Variants in C8orf89 observed in about 807,000 individuals in gnomAD.
C8orf89 encodes the protein putative uncharacterized protein C8orf89.
In C8orf89, 14 loss-of-function variants were observed where a neutral mutation model predicts 15.8. The ratio of observed to expected loss-of-function variants is 0.89; its 90% confidence interval spans 0.59 to 1.39. The LOEUF (loss-of-function observed/expected upper bound fraction) is 1.39, where lower values mean the gene tolerates loss of function less well. Ranked by LOEUF, C8orf89 falls within the 40% of genes most tolerant of loss-of-function variation. C8orf89 has a pLI of 0.00. For synonymous variants in C8orf89, 55 were observed against 62.2 expected, an observed-to-expected ratio of 0.88 and a Z score of 0.54; for missense variants, 181 against 184.5, an observed-to-expected ratio of 0.98 and a Z score of 0.11.
At chr8:73,266,217 C>A in the C8orf89 span, among the ~76,000 whole-genome samples, 1 of 152,212 alleles carries the variant, frequency 6.6e-6, no homozygotes, top group African/African-American at 2.4e-5. Flanking sequence ...CCTTCGGCCA[C>A]CTCTGGCTCA....
In C8orf89 at chr8:73,245,849, C is replaced by A. The variant is rs189978182; in HGVS notation, c.338-4244G>T. On this transcript the variant is annotated intron_variant, in intron 3 of 3. Transcript: ENST00000624510. ...TATTAAAAGATTCTCCCAAAGAAAACAAGTAACCCAAATGAATTTTATAAA... is the reference window on the plus strand; with the variant it reads ...TATTAAAAGATTCTCCCAAAGAAAAAAAGTAACCCAAATGAATTTTATAAA... 3.0e-3 allele frequency among the ~76,000 whole-genome samples: 460 copies of A among 152,226 alleles called. 3 individuals carry two copies. Among genetic ancestry groups the A allele is most frequent in the Non-Finnish European group, 4.2e-3 (287 of 67,986 alleles).
chr8:73,273,166 T>G, the C8orf89 span, among the ~76,000 whole-genome samples: 1 of 152,258 alleles, frequency 6.6e-6, no homozygotes, highest in South Asian at 2.1e-4. Flanking sequence ...ATGGAGCCAG[T>G]GGGAGCGAGG....
chr8:73,277,558 G>A, the C8orf89 span: 1 of 760,532 alleles, frequency 1.3e-6, no homozygotes, highest in South Asian at 1.4e-5. Context: ...TCCATTCCAG[G>A]CTCAGAAGTA....
intron 3 of C8orf89, among the ~76,000 whole-genome samples, chr8:73,243,107 C>T (rs1024922364): frequency 2.0e-5 from 3 of 152,038 alleles, no homozygotes; most frequent in African/African-American, 4.8e-5. Flanking sequence ...AAAACTAGAA[C>T]AATTGAACTC....
intron 3 of C8orf89, 27 bp from the exon 4 acceptor site, chr8:73,241,632 A>C: frequency 7.5e-6 from 11 of 1,467,586 alleles, no homozygotes; most frequent in Non-Finnish European, 9.9e-6. Context: ...GGAGTCAGCT[A>C]TTAAAATGAA....
At chr8:73,259,164 T>C (rs899921778) in intron 1 of C8orf89, among the ~76,000 whole-genome samples, 168 bp downstream of exon 1, 1 of 152,220 alleles carries the variant, frequency 6.6e-6, no homozygotes, top group Non-Finnish European at 1.5e-5. Flanking sequence ...CAGAATTACA[T>C]TAACTAAATT....
the C8orf89 span, among the ~76,000 whole-genome samples, chr8:73,266,193 C>G: frequency 6.6e-6 from 1 of 152,226 alleles, no homozygotes; most frequent in South Asian, 2.1e-4. Flanking sequence ...AAGAGGGAGA[C>G]AGAAGAGTGA....
chr8:73,264,930 C>G, the C8orf89 span, among the ~76,000 whole-genome samples: 1 of 152,172 alleles, frequency 6.6e-6, no homozygotes, highest in African/African-American at 2.4e-5. Flanking sequence ...TTGGCATGTT[C>G]TATAGGTAGA....
the C8orf89 span, among the ~76,000 whole-genome samples, chr8:73,275,586 T>G: frequency 7.9e-5 from 12 of 152,208 alleles, no homozygotes; most frequent in Admixed American, 2.6e-4. Flanking sequence ...AAATGGTACC[T>G]TGTTAATTTT....
chr8:73,280,285 G>C, the C8orf89 span, among the ~76,000 whole-genome samples: 1 of 152,148 alleles, frequency 6.6e-6, no homozygotes, highest in South Asian at 2.1e-4. Flanking sequence ...GAAGCAAAAT[G>C]GGGACCCTTC....
At chr8:73,256,780 G>C (rs1462177115) in intron 2 of C8orf89, among the ~76,000 whole-genome samples, 193 bp downstream of exon 2, 3 of 123,832 alleles carry the variant, frequency 2.4e-5, no homozygotes, top group African/African-American at 9.1e-5. Context: ...AACATCACTC[G>C]AAAACAGAGA....
chr8:73,266,264 G>C, the C8orf89 span, among the ~76,000 whole-genome samples: 1 of 152,172 alleles, frequency 6.6e-6, no homozygotes, highest in Non-Finnish European at 1.5e-5. Context: ...CAGCCTTCTG[G>C]GCTTTTCAGT....
chr8:73,257,931 A>C (rs1226739360), intron 1 of C8orf89, among the ~76,000 whole-genome samples: 4 of 152,174 alleles, frequency 2.6e-5, no homozygotes, highest in African/African-American at 9.7e-5. Flanking sequence ...TGGAAAAAAT[A>C]GTTTCTGTTG....
chr8:73,253,086 C>A (rs948801866), intron 2 of C8orf89, among the ~76,000 whole-genome samples: 2 of 152,100 alleles, frequency 1.3e-5, no homozygotes, highest in African/African-American at 2.4e-5. Context: ...GAGCTCCCAG[C>A]GAGCCAAGAT....
chr8:73,273,032 T>C, the C8orf89 span, among the ~76,000 whole-genome samples: 10 of 152,278 alleles, frequency 6.6e-5, no homozygotes, highest in East Asian at 1.9e-3. Context: ...TCAGAGAAAT[T>C]AGGAGCCTCA....
At chr8:73,251,503 T>C (rs1813247295) in intron 2 of C8orf89, among the ~76,000 whole-genome samples, 2 of 152,258 alleles carry the variant, frequency 1.3e-5, no homozygotes, top group Admixed American at 1.3e-4. Flanking sequence ...ATACATTATG[T>C]CACTTAGCCA....
chr8:73,245,271 A>G (rs938713527), intron 3 of C8orf89, among the ~76,000 whole-genome samples: 2 of 152,258 alleles, frequency 1.3e-5, no homozygotes, highest in Non-Finnish European at 2.9e-5. Flanking sequence ...GTCAAACCAT[A>G]TAAACACATT....
intron 3 of C8orf89, among the ~76,000 whole-genome samples, chr8:73,244,425 T>G (rs990119623): frequency 3.9e-5 from 6 of 152,228 alleles, no homozygotes; most frequent in Non-Finnish European, 7.3e-5. Flanking sequence ...TTCCAATCAC[T>G]ACGTATTACC....
Position 73,259,484 on chromosome 8 carries a change from G to A in C8orf89, c.-26C>T. ...TTTTTCTTCTTTCAACAGTGCTGATGAGAGGGAGATGCTGCTGCAGAGACA... is the reference window on the plus strand; with the variant it reads ...TTTTTCTTCTTTCAACAGTGCTGATAAGAGGGAGATGCTGCTGCAGAGACA... On this transcript the variant is annotated 5_prime_UTR_variant, in exon 1 of 4. Transcript: ENST00000624510. 6.7e-7 allele frequency: 1 copy of A among 1,481,636 alleles called. No homozygotes were observed. The highest frequency in any genetic ancestry group is 8.9e-7 in the Non-Finnish European group (1 of 1,120,294). The allele number at this position is 1,481,636 out of a possible 1,614,324, so 91.8% of individuals were successfully genotyped here. A position where few individuals can be genotyped will look rare whatever the true frequency, so the allele number is the denominator to read the frequency against.
Sources: allele counts gnomAD v4.1 joint callset (sites outside exome capture counted in the v4.1 genomes callset), GRCh38; gene constraint gnomAD v4.1.1; transcripts MANE v1.5; gene names NCBI Gene and HGNC (gene_info 2026-07-23, HGNC 2026-07-21).